The following RUBCN variants were observed in gnomAD, a reference collection of about 807,000 sequenced individuals.
The protein encoded by RUBCN is run domain Beclin-1-interacting and cysteine-rich domain-containing protein.
Under a neutral mutation model 113.2 loss-of-function variants are expected in RUBCN, and 74 were observed. The ratio of observed to expected loss-of-function variants is 0.65; its 90% CI spans 0.54 to 0.79. The LOEUF (loss-of-function observed/expected upper bound fraction) is 0.79. RUBCN is among the 30% of genes least tolerant of loss of function. RUBCN has a pLI of 0.00. For synonymous variants in RUBCN, 480 were observed against 490.0 expected (o/e 0.98, Z 0.27); for missense variants, 1,109 against 1,251.7 (o/e 0.89, Z 1.72).
In RUBCN at chr3:197,681,061, G is replaced by A; in HGVS notation, c.2430+68C>T. 3.5e-6 allele frequency: 3 copies of A among 858,336 alleles called. No individual in the cohort carries two copies. The highest frequency in any genetic ancestry group is 1.9e-6 in the Non-Finnish European group (1 of 527,974). The allele number at this position is 858,336 out of a possible 1,614,324, so 53.2% of individuals were successfully genotyped here. A position where few individuals can be genotyped will look rare whatever the true frequency, so the allele number is the denominator to read the frequency against. On this transcript the variant is annotated intron_variant, in intron 16 of 19. Coordinates refer to ENST00000296343, the MANE Select transcript of RUBCN (RefSeq NM_014687.4). This position sits in a 1 kb window ranked among gnomAD's most constrained non-coding sequence, Gnocchi z 5.5. ...GGGGATGGGGGGAGGGGACGGGGGAGGGACGAGGGGAGGGGATGAGGGGAG... is the reference window on the plus strand; with the variant it reads ...GGGGATGGGGGGAGGGGACGGGGGAAGGACGAGGGGAGGGGATGAGGGGAG...
intron 16 of RUBCN, among the ~76,000 whole-genome samples, chr3:197,680,861 C>T (rs1335539831): frequency 1.3e-5 from 2 of 151,900 alleles, no homozygotes; most frequent in African/African-American, 4.8e-5. Context: ...GACAGATAAC[C>T]TGGGAAATGG....
At chr3:197,696,603 T>G (rs1723029396) in intron 8 of RUBCN, among the ~76,000 whole-genome samples, 1 of 147,564 alleles carries the variant, frequency 6.8e-6, no homozygotes, top group Non-Finnish European at 1.5e-5. Context: ...CTCTGCATGA[T>G]TTCCACATAG....
intron 1 of RUBCN, among the ~76,000 whole-genome samples, chr3:197,744,048 T>C (rs1027427563): frequency 2.0e-5 from 3 of 151,368 alleles, no homozygotes; most frequent in African/African-American, 7.3e-5. Context: ...TAATACATAT[T>C]ATCTATATAT....
In RUBCN at chr3:197,695,919, G is replaced by A. The variant is rs1398027271; in HGVS notation, c.1420C>T (p.Leu474Phe). The A allele has an allele frequency of 6.2e-7, 1 of 1,614,168 alleles. No individual in the cohort carries two copies. The highest frequency in any genetic ancestry group is 1.7e-5 in the Admixed American group (1 of 60,020). The stretch of plus-strand genomic sequence containing the variant: ...TCTTGCTCAGAGAGGTAGCTGATGA[G>A]GGACTGTCCTTCTGATGGTCTTCGG... Reference protein sequence around the residue: ...MFRRPSEGQSLISYLSEQDFG... With the variant: ...MFRRPSEGQSFISYLSEQDFG... Residue 474 changes from leucine to phenylalanine, a missense_variant, in exon 9 of 20, where the codon CTC (leucine) becomes TTC (phenylalanine). Physicochemically the swap from Leu to Phe is conservative, Grantham distance 22 (BLOSUM62 0). Around this residue, in one of 3 missense-constraint regions of RUBCN, gnomAD observed 736 missense variants for 779.6 expected, o/e 0.94. Coordinates refer to ENST00000296343, the MANE Select transcript of RUBCN (RefSeq NM_014687.4).
upstream of RUBCN, among the ~76,000 whole-genome samples, chr3:197,740,640 A>C (rs1211192622): frequency 2.7e-5 from 4 of 150,748 alleles, no homozygotes; most frequent in Non-Finnish European, 5.9e-5. Flanking sequence ...TTTTTTTTTG[A>C]GACAGAGTCT....
In RUBCN at chr3:197,681,123, T is replaced by C; in HGVS notation, c.2430+6A>G. The C allele has an allele frequency of 2.5e-6, 4 of 1,602,918 alleles. No homozygotes were observed. Among genetic ancestry groups the C allele is most frequent in the Non-Finnish European group, 3.4e-6 (4 of 1,170,522 alleles). On this transcript the variant is annotated splice_donor_region_variant and intron_variant, in intron 16 of 19. Transcript: ENST00000296343. The surrounding 1 kb of genome is among the most constrained non-coding windows in gnomAD (Gnocchi z 5.5). Reference sequence around the variant, plus strand: ...GACTCTAAGGTGGCCTTTTCCAAGGTCTTACCCGGACTTGATTGAGCAGCT... The same window carrying C: ...GACTCTAAGGTGGCCTTTTCCAAGGCCTTACCCGGACTTGATTGAGCAGCT...
intron 2 of RUBCN, among the ~76,000 whole-genome samples, chr3:197,707,717 A>G (rs1724472833): frequency 6.6e-6 from 1 of 152,146 alleles, no homozygotes; most frequent in African/African-American, 2.4e-5. Flanking sequence ...AATCCCAACA[A>G]TTTGGGAGGC....
In RUBCN at chr3:197,728,424, C is replaced by T. The variant is rs140777640; in HGVS notation, c.65+8231G>A. Among the ~76,000 whole-genome samples, 281 of 152,304 alleles carry T rather than the reference C, an allele frequency of 1.8e-3. 2 individuals carry two copies. Among genetic ancestry groups the T allele is most frequent in the African/African-American group, 6.5e-3 (271 of 41,558 alleles). ...TGTGATCATCCTGCTTTGCTACTAG[C>T]TCTATGTAAACTGTTAACTCCTAGA... On this transcript the variant is annotated intron_variant, in intron 1 of 19. Coordinates refer to ENST00000296343, the MANE Select transcript of RUBCN (RefSeq NM_014687.4).
intron 11 of RUBCN, among the ~76,000 whole-genome samples, chr3:197,686,741 G>A (rs9823635): frequency 0.042 from 6,460 of 152,172 alleles, 431 homozygotes; most frequent in African/African-American, 0.15. Flanking sequence ...GCATCCAAGT[G>A]GAATTTAACA....
intron 1 of RUBCN, among the ~76,000 whole-genome samples, chr3:197,728,329 T>C (rs1232095000): frequency 6.6e-6 from 1 of 152,204 alleles, no homozygotes; most frequent in African/African-American, 2.4e-5. Context: ...CCCCAAAAGC[T>C]TCAAGGGTAT....
At position 197,675,609 on chromosome 3, in the gene RUBCN, G is replaced by A. The variant is rs1196478791; in HGVS notation, c.2647-94C>T. Reference sequence around the variant, plus strand: ...ACCGAGGAGGGGAGTGGTCTACAGGGTTCTGCTGCCCACAGGGAGGAGGCC... The same window carrying A: ...ACCGAGGAGGGGAGTGGTCTACAGGATTCTGCTGCCCACAGGGAGGAGGCC... On this transcript the variant is annotated intron_variant, in intron 18 of 19. Coordinates refer to ENST00000296343, the MANE Select transcript of RUBCN (RefSeq NM_014687.4). The surrounding 1 kb of genome is among the most constrained non-coding windows in gnomAD (Gnocchi z 4.4). The A allele has an allele frequency of 2.1e-6, 2 of 945,342 alleles. No individual in the cohort carries two copies. The highest frequency in any genetic ancestry group is 3.4e-5 in the Admixed American group (2 of 58,342). 58.6% of individuals were successfully genotyped at this position (945,342 alleles called of 1,614,324 possible).
rs987112735 is a variant in RUBCN, at chr3:197,730,963, C to T, written c.65+5692G>A. Reference sequence around the variant, plus strand: ...CACCTTAGTGAACATCTGCTCAGTGCGGGCATTATTATGTGTTAACTAGAG... The same window carrying T: ...CACCTTAGTGAACATCTGCTCAGTGTGGGCATTATTATGTGTTAACTAGAG... On this transcript the variant is annotated intron_variant, in intron 1 of 19. Coordinates refer to ENST00000296343, the MANE Select transcript of RUBCN (RefSeq NM_014687.4). Among the ~76,000 whole-genome samples the T allele has an allele frequency of 3.4e-4, 42 of 125,344 alleles. 1 individual carries two copies. The highest frequency in any genetic ancestry group is 5.0e-4 in the Admixed American group (5 of 10,028). The allele number at this position is 125,344 out of a possible 152,430, so 82.2% of individuals were successfully genotyped here.
At chr3:197,721,679 A>C (rs953044555) in intron 1 of RUBCN, among the ~76,000 whole-genome samples, 1 of 151,878 alleles carries the variant, frequency 6.6e-6, no homozygotes, top group African/African-American at 2.4e-5. Flanking sequence ...CTTGAGGTGC[A>C]ACATTAGGTT....
intron 4 of RUBCN, among the ~76,000 whole-genome samples, chr3:197,704,254 G>C (rs914538159): frequency 2.6e-5 from 4 of 152,164 alleles, no homozygotes; most frequent in Admixed American, 1.3e-4. Context: ...GACCAACATG[G>C]AGAAACCCCA....
At chr3:197,707,020 T>C (rs546467049) in intron 2 of RUBCN, among the ~76,000 whole-genome samples, 32 of 151,392 alleles carry the variant, frequency 2.1e-4, no homozygotes, top group Admixed American at 1.9e-3. Context: ...CCAGCATGTC[T>C]CTTGGTTACA....
intron 1 of RUBCN, among the ~76,000 whole-genome samples, chr3:197,724,775 C>T (rs1034971259): frequency 3.3e-4 from 50 of 152,166 alleles, no homozygotes; most frequent in African/African-American, 1.2e-3. Context: ...ACGATCTCAA[C>T]ATAAAAATAT....
At chr3:197,680,101 T>C (rs1721028094) in intron 16 of RUBCN, among the ~76,000 whole-genome samples, 1 of 143,526 alleles carries the variant, frequency 7.0e-6, no homozygotes, top group Non-Finnish European at 1.5e-5. Flanking sequence ...CAGACTGTCC[T>C]GTGCTCTGAC....
chr3:197,711,408 G>A (rs900232204), intron 2 of RUBCN, among the ~76,000 whole-genome samples: 1 of 152,136 alleles, frequency 6.6e-6, no homozygotes, highest in African/African-American at 2.4e-5. Flanking sequence ...TAATGATTTC[G>A]GATGAATTAC....
At chr3:197,722,518 C>T (rs776284364) in intron 1 of RUBCN, among the ~76,000 whole-genome samples, 11 of 151,616 alleles carry the variant, frequency 7.3e-5, no homozygotes, top group Non-Finnish European at 1.3e-4. Context: ...TCAGAGTTTT[C>T]GACTGTTACT....
Sources: allele counts gnomAD v4.1 joint callset (sites outside exome capture counted in the v4.1 genomes callset), GRCh38; gene constraint gnomAD v4.1.1; regional missense constraint gnomAD v4.1.1; non-coding constraint Gnocchi (gnomAD v3.1); transcripts MANE v1.5; gene names NCBI Gene and HGNC (gene_info 2026-07-23, HGNC 2026-07-21).